Variants in INSC observed in about 807,000 individuals in gnomAD.
The protein encoded by INSC is INSC spindle orientation adaptor protein.
A neutral mutation model predicts 58.6 loss-of-function variants in INSC; 67 were observed. That is an observed-to-expected ratio of 1.14 (90% CI 0.94 to 1.40). The LOEUF is 1.40. Ranked by LOEUF, INSC falls within the 40% of genes most tolerant of loss-of-function variation. INSC has a pLI of 0.00. For synonymous variants in INSC, 262 were observed against 276.1 expected (o/e 0.95, Z 0.51); for missense variants, 714 against 692.0 (o/e 1.03, Z -0.36).
Position 15,125,778 on chromosome 11 carries a change from A to G in INSC, c.-46+10775A>G, listed in dbSNP as rs540694358. Among the ~76,000 whole-genome samples, 8 of 152,254 alleles carry G rather than the reference A, an allele frequency of 5.3e-5. No individual in the cohort carries two copies. The East Asian group carries it at 1.5e-3, about 29-fold the overall frequency. On this transcript the variant is annotated intron_variant, in intron 1 of 12. Coordinates refer to ENST00000379556, the MANE Select transcript of INSC (RefSeq NM_001042536.3). The stretch of plus-strand genomic sequence containing the variant: ...TGGCCCTCTCAGGGAGAAAAGATGT[A>G]CCCATAGGAGATCACCAGTCAGCTA...
At chr11:15,150,209 C>G (rs1848606805) in intron 2 of INSC, among the ~76,000 whole-genome samples, 1 of 152,122 alleles carries the variant, frequency 6.6e-6, no homozygotes, top group African/African-American at 2.4e-5. Context: ...TGTGTATGTA[C>G]TAGGGGCTTA....
At chr11:15,248,393 G>A (rs72860418), downstream of INSC, among the ~76,000 whole-genome samples, 4,976 of 152,264 alleles carry the variant, frequency 0.033, 102 homozygotes, top group Non-Finnish European at 0.041. Context: ...GTCAATAAGT[G>A]GAGAAAGGTA....
At chr11:15,247,531 C>A (rs1335029054), downstream of INSC, among the ~76,000 whole-genome samples, 1 of 151,924 alleles carries the variant, frequency 6.6e-6, no homozygotes, top group Non-Finnish European at 1.5e-5. Flanking sequence ...CAACATTAAC[C>A]AGGTGCCATG....
At chr11:15,140,367 T>C (rs1848340200) in intron 1 of INSC, among the ~76,000 whole-genome samples, 1 of 152,176 alleles carries the variant, frequency 6.6e-6, no homozygotes, top group Non-Finnish European at 1.5e-5. Flanking sequence ...ACTTGCGCTT[T>C]CCCAGTTTTA....
intron 5 of INSC, among the ~76,000 whole-genome samples, chr11:15,185,834 T>C (rs1849945110): frequency 6.6e-6 from 1 of 152,236 alleles, no homozygotes; most frequent in South Asian, 2.1e-4. Flanking sequence ...GGAAATTACA[T>C]TCTTTCCAAC....
intron 2 of INSC, among the ~76,000 whole-genome samples, chr11:15,174,319 G>C (rs557194338): frequency 6.6e-6 from 1 of 152,116 alleles, no homozygotes; most frequent in Admixed American, 6.6e-5. Context: ...AAATTGTGAG[G>C]TCTACTCCCC....
At chr11:15,249,173 C>A (rs1852623991), downstream of INSC, among the ~76,000 whole-genome samples, 1 of 152,166 alleles carries the variant, frequency 6.6e-6, no homozygotes. Flanking sequence ...TCCTCTGGAA[C>A]AAGCCTCTTT....
chr11:15,252,678 A>G, the INSC span, among the ~76,000 whole-genome samples: 1 of 152,202 alleles, frequency 6.6e-6, no homozygotes, highest in South Asian at 2.1e-4. Context: ...CTTCTGACAC[A>G]TTTTGTTAGT....
At chr11:15,174,650 G>A (rs567847828) in intron 2 of INSC, among the ~76,000 whole-genome samples, 1 of 152,336 alleles carries the variant, frequency 6.6e-6, no homozygotes, top group Non-Finnish European at 1.5e-5. Context: ...AAAGGAACTT[G>A]CACTCAGCCT....
chr11:15,150,702 A>G (rs34125118), intron 2 of INSC, among the ~76,000 whole-genome samples: 9,314 of 152,294 alleles, frequency 0.061, 325 homozygotes, highest in Non-Finnish European at 0.076. Context: ...CTGAACTGGC[A>G]TGATTGACAG....
intron 12 of INSC, among the ~76,000 whole-genome samples, chr11:15,244,358 G>A (rs925668789): frequency 2.0e-5 from 3 of 152,144 alleles, no homozygotes; most frequent in African/African-American, 7.2e-5. Context: ...CACAGACCCT[G>A]CTCATTAATG....
intron 12 of INSC, among the ~76,000 whole-genome samples, chr11:15,243,414 G>C (rs1852434267): frequency 6.6e-6 from 1 of 152,230 alleles, no homozygotes; most frequent in African/African-American, 2.4e-5. Context: ...TGAAGCAGCT[G>C]TCAGTAGGTT....
At chr11:15,260,799 G>A in the INSC span, among the ~76,000 whole-genome samples, 2 of 152,162 alleles carry the variant, frequency 1.3e-5, no homozygotes, top group African/African-American at 4.8e-5. Context: ...ATGATGGGAT[G>A]AGAAAGGTTT....
At chr11:15,220,464 G>C (rs1397573047) in intron 7 of INSC, among the ~76,000 whole-genome samples, 1 of 152,180 alleles carries the variant, frequency 6.6e-6, no homozygotes, top group Non-Finnish European at 1.5e-5. Context: ...CCCCAATGGA[G>C]GCTGAGGTCT....
At chr11:15,159,625 C>A (rs1590377469) in intron 2 of INSC, among the ~76,000 whole-genome samples, 1 of 152,298 alleles carries the variant, frequency 6.6e-6, no homozygotes. Context: ...AGCAGTTTAA[C>A]ATAACACTTA....
At chr11:15,197,082 G>C (rs1445689273) in intron 6 of INSC, among the ~76,000 whole-genome samples, 3 of 152,130 alleles carry the variant, frequency 2.0e-5, no homozygotes, top group African/African-American at 7.2e-5. Flanking sequence ...ATAGTCTTTT[G>C]ATATGTCATA....
At chr11:15,261,955 C>A in the INSC span, among the ~76,000 whole-genome samples, 1 of 151,978 alleles carries the variant, frequency 6.6e-6, no homozygotes, top group South Asian at 2.1e-4. Flanking sequence ...GGATATCTGG[C>A]CTAGTGGGAA....
chr11:15,255,832 T>C, the INSC span, among the ~76,000 whole-genome samples: 10 of 152,076 alleles, frequency 6.6e-5, no homozygotes, highest in Admixed American at 2.0e-4. Context: ...AAGGGATTTT[T>C]ATAAAGGGGT....
chr11:15,160,102 A>AG (rs111456677), intron 2 of INSC, among the ~76,000 whole-genome samples: 26,437 of 152,092 alleles, frequency 0.17, 2,432 homozygotes, highest in African/African-American at 0.23. Flanking sequence ...TGCATCATCT[A>AG]GGGGGTAAGG....
Sources: gnomAD v4.1 joint callset for allele counts (sites outside exome capture counted in the v4.1 genomes callset) on GRCh38, gnomAD v4.1.1 for gene constraint, MANE v1.5 for transcripts, NCBI Gene and HGNC (gene_info 2026-07-23, HGNC 2026-07-21) for gene names.